HAO1: variants seen among roughly 807,000 people sequenced by gnomAD.
The protein encoded by HAO1 is 2-Hydroxyacid oxidase 1.
In HAO1, 34 loss-of-function variants were observed where a neutral mutation model predicts 39.7. That is an observed-to-expected ratio of 0.86 (90% CI 0.65 to 1.14). The LOEUF (loss-of-function observed/expected upper bound fraction) is 1.14, where lower values mean the gene tolerates loss of function less well. HAO1 is among the 50% of genes most tolerant of loss of function. The probability of loss-of-function intolerance (pLI) is 0.00; values close to 1 mark genes in which losing one functional copy is unlikely to be tolerated. For missense variants in HAO1, 479 were observed against 464.5 expected (o/e 1.03, Z -0.29); for synonymous variants, 172 against 173.2 (o/e 0.99, Z 0.05).
chr20:7,890,185 A>G (rs931093740), intron 5 of HAO1, among the ~76,000 whole-genome samples: 1 of 151,386 alleles, frequency 6.6e-6, no homozygotes, highest in Non-Finnish European at 1.5e-5. Flanking sequence ...TACGACATGC[A>G]AAGAGGAGGG....
At chr20:7,903,062 G>A (rs572401656) in intron 4 of HAO1, among the ~76,000 whole-genome samples, 1 of 152,304 alleles carries the variant, frequency 6.6e-6, no homozygotes, top group South Asian at 2.1e-4. Context: ...ATTTCTGCAT[G>A]AGGACCTGTG....
intron 1 of HAO1, among the ~76,000 whole-genome samples, chr20:7,939,265 C>T (rs911850134): frequency 8.5e-5 from 13 of 152,148 alleles, no homozygotes; most frequent in African/African-American, 2.9e-4. Context: ...TGGGGAGAGG[C>T]CGTATCCTTC....
chr20:7,934,612 A>G lies in HAO1; in HGVS notation c.161T>C (p.Leu54Pro), dbSNP rs1300257453. The G allele has an allele frequency of 2.4e-5, 38 of 1,609,980 alleles. No individual in the cohort carries two copies. Among genetic ancestry groups the G allele is most frequent in the Non-Finnish European group, 3.1e-5 (37 of 1,177,148 alleles). Reference sequence around the variant, plus strand: ...CAGATCTGTTTCAGCAACATTCCGGAGCATCCTTGGATACAGCTTCCATCT... The same window carrying G: ...CAGATCTGTTTCAGCAACATTCCGGGGCATCCTTGGATACAGCTTCCATCT... ...FSRWKLYPRM[L>P]RNVAETDLST... is the part of the protein sequence containing the mutation. The change falls in exon 2 of 8, where the codon CTC becomes CCC. Residue 54 changes from leucine (L) to proline (P), a missense_variant. Leu to Pro is a moderately conservative substitution (Grantham distance 98, BLOSUM62 -3). Transcript: ENST00000378789.
At chr20:7,888,028 C>T (rs1325446773) in intron 5 of HAO1, among the ~76,000 whole-genome samples, 4 of 152,106 alleles carry the variant, frequency 2.6e-5, no homozygotes, top group African/African-American at 7.2e-5. Flanking sequence ...CTCTTTTCAG[C>T]TTTCTATACA....
intron 4 of HAO1, among the ~76,000 whole-genome samples, chr20:7,900,527 C>T (rs901844171): frequency 1.1e-4 from 16 of 152,198 alleles, no homozygotes; most frequent in African/African-American, 3.4e-4. Context: ...ACATCTGTTA[C>T]GGTGATCTGT....
chr20:7,886,394 G>A lies in HAO1; in HGVS notation c.814-530C>T, dbSNP rs539898426. 3.3e-5 allele frequency among the ~76,000 whole-genome samples: 5 copies of A among 152,046 alleles called. No individual in the cohort carries two copies. The South Asian group carries it at 8.3e-4, about 25-fold the overall frequency. On this transcript the variant is annotated intron_variant, in intron 5 of 7. Coordinates refer to ENST00000378789, the MANE Select transcript of HAO1 (RefSeq NM_017545.3). The stretch of plus-strand genomic sequence containing the variant: ...TCATCATGTTGGCCAGACTGGTCTC[G>A]AACTCCTGACCTCAAGTGATCTGCC...
Position 7,914,423 on chromosome 20 carries a change from A to C in HAO1, c.290-4T>G, listed in dbSNP as rs777875443. 10 of 1,612,608 alleles carry C rather than the reference A, an allele frequency of 6.2e-6. No individual in the cohort carries two copies. The highest frequency in any genetic ancestry group is 7.6e-6 in the Non-Finnish European group (9 of 1,179,140). ...CCCGTTCCCAGGGACTGACAGGCTGAGAAAGAAAGGGGATGATCAAGATGG... is the reference window on the plus strand; with the variant it reads ...CCCGTTCCCAGGGACTGACAGGCTGCGAAAGAAAGGGGATGATCAAGATGG... On this transcript the variant is annotated splice_polypyrimidine_tract_variant and splice_region_variant and intron_variant, in intron 2 of 7. Coordinates refer to ENST00000378789, the MANE Select transcript of HAO1 (RefSeq NM_017545.3).
intron 2 of HAO1, among the ~76,000 whole-genome samples, chr20:7,915,287 ATG>A (rs2050301697): frequency 1.3e-5 from 2 of 151,900 alleles, no homozygotes; most frequent in African/African-American, 4.8e-5. Flanking sequence ...ATCCCTCATA[ATG>A]TGAGTGGGTC....
At chr20:7,900,659 A>G (rs927580909) in intron 4 of HAO1, among the ~76,000 whole-genome samples, 1 of 152,128 alleles carries the variant, frequency 6.6e-6, no homozygotes, top group African/African-American at 2.4e-5. Flanking sequence ...CCATTCGCCC[A>G]TCTCTCTCCC....
Position 7,895,166 on chromosome 20 carries a change from A to G in HAO1, c.780T>C (p.His260=). ...GCACCCCATCGAGTTGTCGAGCCCC[A>G]TGATTCGACACCAAGATCCCATTCA... The part of the protein sequence containing the change: ...HGLNGILVSN[H]GARQLDGVPA... Residue 260 remains histidine, a synonymous_variant, in exon 5 of 8, where the codon CAT becomes CAC. Transcript: ENST00000378789. 1.2e-6 allele frequency: 2 copies of G among 1,612,568 alleles called. No individual in the cohort carries two copies. Among genetic ancestry groups the G allele is most frequent in the Non-Finnish European group, 1.7e-6 (2 of 1,178,724 alleles).
intron 2 of HAO1, 89 bp downstream of exon 2, chr20:7,934,395 C>G (rs559294102): frequency 1.1e-6 from 1 of 944,476 alleles, no homozygotes; most frequent in Admixed American, 2.6e-5. Flanking sequence ...GTAAAAACAT[C>G]AAGGAACATA....
At chr20:7,917,035 T>A (rs2050310035) in intron 2 of HAO1, among the ~76,000 whole-genome samples, 1 of 152,110 alleles carries the variant, frequency 6.6e-6, no homozygotes, top group African/African-American at 2.4e-5. Context: ...AACAATCAAT[T>A]CACCTGAAAT....
intron 2 of HAO1, among the ~76,000 whole-genome samples, chr20:7,929,766 AG>A (rs1387578610): frequency 6.6e-6 from 1 of 152,110 alleles, no homozygotes; most frequent in African/African-American, 2.4e-5. Flanking sequence ...CAGGAGGCTG[AG>A]GCAGGGGAAT....
intron 7 of HAO1, among the ~76,000 whole-genome samples, chr20:7,883,982 T>C (rs1455445510): frequency 6.6e-6 from 1 of 152,224 alleles, no homozygotes; most frequent in Non-Finnish European, 1.5e-5. Context: ...AATGGCATTC[T>C]TCTTGTTGAG....
chr20:7,917,699 T>C (rs1041544962), intron 2 of HAO1, among the ~76,000 whole-genome samples: 1 of 152,178 alleles, frequency 6.6e-6, no homozygotes, highest in African/African-American at 2.4e-5. Context: ...TAGGGCATGT[T>C]TTTGTAGTTA....
At chr20:7,889,909 C>A (rs1476556434) in intron 5 of HAO1, among the ~76,000 whole-genome samples, 1 of 152,140 alleles carries the variant, frequency 6.6e-6, no homozygotes, top group Non-Finnish European at 1.5e-5. Context: ...TTTCGGTGCT[C>A]TTCCCATGAC....
intron 5 of HAO1, among the ~76,000 whole-genome samples, chr20:7,886,785 C>G (rs962431686): frequency 2.0e-5 from 3 of 152,222 alleles, no homozygotes; most frequent in African/African-American, 7.2e-5. Flanking sequence ...GCCTTGGAAA[C>G]TTTGGCTGAT....
At chr20:7,927,862 C>T (rs1053211584) in intron 2 of HAO1, among the ~76,000 whole-genome samples, 1 of 152,162 alleles carries the variant, frequency 6.6e-6, no homozygotes, top group Non-Finnish European at 1.5e-5. Context: ...GTAGCACTGC[C>T]TAAGTGATTA....
At chr20:7,896,786 C>G (rs1270404778) in intron 4 of HAO1, among the ~76,000 whole-genome samples, 1 of 152,048 alleles carries the variant, frequency 6.6e-6, no homozygotes, top group African/African-American at 2.4e-5. Flanking sequence ...TCAAACTTTT[C>G]AATTATTTGA....
Sources: gnomAD v4.1 joint callset for allele counts (sites outside exome capture counted in the v4.1 genomes callset) on GRCh38, gnomAD v4.1.1 for gene constraint, MANE v1.5 for transcripts, NCBI Gene and HGNC (gene_info 2026-07-23, HGNC 2026-07-21) for gene names.